CBL: variants seen among roughly 807,000 people sequenced by gnomAD.
CBL encodes the protein E3 ubiquitin-protein ligase CBL.
A neutral mutation model predicts 96.9 loss-of-function variants in CBL; 45 were observed. The ratio of observed to expected loss-of-function variants is 0.46; its 90% CI spans 0.37 to 0.60. The LOEUF (loss-of-function observed/expected upper bound fraction) is 0.60. Ranked by LOEUF, CBL falls within the 20% of genes least tolerant of loss-of-function variation. The pLI is 0.00. For missense variants in CBL, 1,024 were observed against 1,143.5 expected (o/e 0.90, Z 1.51); for synonymous variants, 420 against 426.8 (o/e 0.98, Z 0.20).
chr11:119,294,796 G>GA (rs11415377), intron 12 of CBL, among the ~76,000 whole-genome samples: 91,367 of 143,944 alleles, frequency 0.63, 29,174 homozygotes, highest in East Asian at 0.9. Context: ...TCTCAAAAAG[G>GA]AAAAAAAAAA....
intron 12 of CBL, among the ~76,000 whole-genome samples, chr11:119,291,624 C>G (rs368337138): frequency 6.6e-6 from 1 of 152,318 alleles, no homozygotes; most frequent in South Asian, 2.1e-4. Context: ...GGGCGGATCA[C>G]CTAAGCCCAG....
At chr11:119,269,812 G>A (rs1378986917) in intron 2 of CBL, among the ~76,000 whole-genome samples, 3 of 151,914 alleles carry the variant, frequency 2.0e-5, no homozygotes, top group Non-Finnish European at 4.4e-5. Flanking sequence ...TGGCTAACAC[G>A]GTGAAACCCC....
At chr11:119,211,763 A>G (rs1398801152) in intron 1 of CBL, among the ~76,000 whole-genome samples, 1 of 149,768 alleles carries the variant, frequency 6.7e-6, no homozygotes, top group Non-Finnish European at 1.5e-5. Context: ...CTCAGCTTCC[A>G]AAAGTACTGG....
At position 119,278,689 on chromosome 11, in the gene CBL, G is replaced by T. The variant is rs138277394; in HGVS notation, c.1407G>T (p.Met469Ile). ...AACGAGCTGATGATACTCTCTTCATGATGAAGGAATTGGCTGGTGCCAAGG... is the reference window on the plus strand; with the variant it reads ...AACGAGCTGATGATACTCTCTTCATTATGAAGGAATTGGCTGGTGCCAAGG... ...DDERADDTLF[M>I]MKELAGAKVE... is the part of the protein sequence containing the mutation. Residue 469 changes from methionine (M) to isoleucine (I), a missense_variant, in exon 9 of 16, where the codon ATG becomes ATT. Around this residue, in one of 4 missense-constraint regions of CBL, gnomAD observed 695 missense variants for 661.6 expected, o/e 1.05. Transcript: ENST00000264033. The T allele has an allele frequency of 1.9e-6, 3 of 1,614,030 alleles. No homozygotes were observed. The highest frequency in any genetic ancestry group is 2.5e-6 in the Non-Finnish European group (3 of 1,180,028).
At chr11:119,252,234 G>A (rs1035191570) in intron 2 of CBL, among the ~76,000 whole-genome samples, 2 of 151,652 alleles carry the variant, frequency 1.3e-5, no homozygotes, top group African/African-American at 4.8e-5. Flanking sequence ...ATCCAGTCTA[G>A]TGTCTAATAT....
chr11:119,282,198 C>T (rs1218053818), intron 9 of CBL, among the ~76,000 whole-genome samples: 6 of 145,196 alleles, frequency 4.1e-5, no homozygotes, highest in Admixed American at 4.0e-4. Context: ...ATTAGCCAGG[C>T]ATGGTGGCGC....
Position 119,301,294 on chromosome 11 carries a change from G to A in CBL, c.*1513G>A, listed in dbSNP as rs1045517219. The A allele has an allele frequency of 1.3e-5, 3 of 233,134 alleles. No homozygotes were observed. The highest frequency in any genetic ancestry group is 6.6e-5 in the African/African-American group (3 of 45,344). 14.4% of individuals were successfully genotyped at this position (233,134 alleles called of 1,614,324 possible). On this transcript the variant is annotated 3_prime_UTR_variant, in exon 16 of 16. Transcript: ENST00000264033. ...GTTTGTGTAATTGCAAGTTCATAAA[G>A]AGAATTGAGGGTCCAGTTGGGAGAA...
At chr11:119,210,668 C>T (rs1336428217) in intron 1 of CBL, among the ~76,000 whole-genome samples, 2 of 140,248 alleles carry the variant, frequency 1.4e-5, no homozygotes, top group Non-Finnish European at 3.0e-5. Flanking sequence ...AGGCTGCTCT[C>T]GAACTCCTGG....
In CBL at chr11:119,254,949, C is replaced by A. The variant is rs538843211; in HGVS notation, c.444-16786C>A. Among the ~76,000 whole-genome samples the A allele has an allele frequency of 2.0e-5, 3 of 152,206 alleles. No homozygotes were observed. In the South Asian group the frequency reaches 6.2e-4, roughly 32 times the overall value. ...TTCTCAGTAGATTCATGGTGAGCAT[C>A]AGTGACATCATTTAGACTGGAATTC... On this transcript the variant is annotated intron_variant, in intron 2 of 15. Coordinates refer to ENST00000264033, the MANE Select transcript of CBL (RefSeq NM_005188.4).
intron 1 of CBL, among the ~76,000 whole-genome samples, chr11:119,226,071 C>A (rs1949456363): frequency 6.6e-6 from 1 of 152,144 alleles, no homozygotes; most frequent in Non-Finnish European, 1.5e-5. Flanking sequence ...TTGGTTTGAA[C>A]CTTTTAAGGG....
intron 2 of CBL, among the ~76,000 whole-genome samples, chr11:119,253,009 A>G (rs1316620266): frequency 1.3e-5 from 2 of 152,176 alleles, no homozygotes; most frequent in Admixed American, 1.3e-4. Flanking sequence ...TCATTTTACC[A>G]GTTGGCACAC....
chr11:119,267,562 T>C (rs1213052096), intron 2 of CBL, among the ~76,000 whole-genome samples: 4 of 152,224 alleles, frequency 2.6e-5, no homozygotes, highest in Admixed American at 2.6e-4. Context: ...ATAAGGTCTC[T>C]GAGACTACCC....
intron 2 of CBL, among the ~76,000 whole-genome samples, chr11:119,241,605 T>C (rs1949587082): frequency 1.3e-5 from 2 of 152,234 alleles, no homozygotes; most frequent in African/African-American, 4.8e-5. Context: ...CAAAAGTGTT[T>C]GTGCAGCTAT....
intron 2 of CBL, among the ~76,000 whole-genome samples, chr11:119,247,661 A>G (rs1471917388): frequency 1.3e-5 from 2 of 152,082 alleles, no homozygotes; most frequent in African/African-American, 4.8e-5. Flanking sequence ...AAATACAAAA[A>G]TTAGCTGGGT....
chr11:119,243,487 G>A (rs1187422342), intron 2 of CBL, among the ~76,000 whole-genome samples: 1 of 149,138 alleles, frequency 6.7e-6, no homozygotes, highest in African/African-American at 2.5e-5. Context: ...ATTGATCAAG[G>A]ATATGAGACC....
At chr11:119,288,825 T>C (rs377240729) in intron 12 of CBL, among the ~76,000 whole-genome samples, 6 of 152,204 alleles carry the variant, frequency 3.9e-5, no homozygotes, top group African/African-American at 1.4e-4. Flanking sequence ...ACTGTGTTTA[T>C]TGATGAAAAT....
chr11:119,294,021 GC>G (rs1950047283), intron 12 of CBL, among the ~76,000 whole-genome samples: 1 of 152,222 alleles, frequency 6.6e-6, no homozygotes, highest in African/African-American at 2.4e-5. Flanking sequence ...AGTCGTGGCT[GC>G]CTGGTTGCTC....
chr11:119,262,446 C>T (rs887161783), intron 2 of CBL, among the ~76,000 whole-genome samples: 7 of 152,124 alleles, frequency 4.6e-5, no homozygotes, highest in African/African-American at 1.7e-4. Flanking sequence ...GAATGTCCCA[C>T]AGTAATATAA....
At position 119,300,386 on chromosome 11, in the gene CBL, CTGTT is replaced by C; in HGVS notation, c.*606_*609del. ...CTTCTATTTTTAGAACACCTTCTGT[CTGTT>C]CTTTCCCCATCAACTCCTTCCTCAT... On this transcript the variant is annotated 3_prime_UTR_variant, in exon 16 of 16. Transcript: ENST00000264033. The C allele has an allele frequency of 2.5e-6, 1 of 407,138 alleles. No individual in the cohort carries two copies. The allele number at this position is 407,138 out of a possible 1,614,324, so 25.2% of individuals were successfully genotyped here.
Sources: allele counts gnomAD v4.1 joint callset (sites outside exome capture counted in the v4.1 genomes callset), GRCh38; gene constraint gnomAD v4.1.1; regional missense constraint gnomAD v4.1.1; transcripts MANE v1.5; gene names NCBI Gene and HGNC (gene_info 2026-07-23, HGNC 2026-07-21).